Variants in TAMM41 observed in about 807,000 individuals in gnomAD.
TAMM41 encodes TAM41 mitochondrial translocator assembly and maintenance homolog, also known as phosphatidate cytidylyltransferase, mitochondrial.
A neutral mutation model predicts 44.1 loss-of-function variants in TAMM41; 36 were observed. That is an observed-to-expected ratio of 0.82 (90% CI 0.63 to 1.08). The LOEUF (loss-of-function observed/expected upper bound fraction) is 1.08, where lower values mean the gene tolerates loss of function less well. Among genes scored for constraint, TAMM41 ranks in the 50% least tolerant of loss-of-function variants. The pLI, the probability that TAMM41 is intolerant of heterozygous loss-of-function variation, is 0.00. For missense variants in TAMM41, 417 were observed against 404.3 expected (o/e 1.03, Z -0.27); for synonymous variants, 164 against 153.1 (o/e 1.07, Z -0.53).
chr3:11,799,135 G>T (rs997336863), intron 7 of TAMM41, among the ~76,000 whole-genome samples: 1 of 151,968 alleles, frequency 6.6e-6, no homozygotes, highest in Non-Finnish European at 1.5e-5. Context: ...AAAGTGGGAG[G>T]ATCACATCAT....
intron 5 of TAMM41, chr3:11,809,929 G>A (rs577885776): frequency 5.5e-6 from 2 of 361,644 alleles, no homozygotes; most frequent in African/African-American, 2.1e-5. Flanking sequence ...AAGAATAGAA[G>A]CCACTCTCAA....
intron 4 of TAMM41, among the ~76,000 whole-genome samples, chr3:11,818,466 A>G (rs1054188257): frequency 1.3e-5 from 2 of 152,226 alleles, no homozygotes; most frequent in Non-Finnish European, 2.9e-5. Context: ...CTTGTTTTAG[A>G]AAAAGTAAAA....
At chr3:11,801,278 A>G (rs1377847252) in intron 7 of TAMM41, among the ~76,000 whole-genome samples, 1 of 152,162 alleles carries the variant, frequency 6.6e-6, no homozygotes, top group Non-Finnish European at 1.5e-5. Context: ...AGTACATGGA[A>G]ATTAAACAGC....
chr3:11,800,337 C>G (rs7617056), intron 7 of TAMM41, among the ~76,000 whole-genome samples: 86,550 of 151,866 alleles, frequency 0.57, 26,691 homozygotes, highest in African/African-American at 0.79. Flanking sequence ...AATGTAAATG[C>G]ATTAAATGCT....
chr3:11,771,449 T>G, the TAMM41 span: 1 of 152,260 alleles, frequency 6.6e-6, no homozygotes, highest in East Asian at 1.9e-4. Context: ...GACTTTGGGC[T>G]CTTTTCAGAG....
the TAMM41 span, among the ~76,000 whole-genome samples, chr3:11,753,369 G>A: frequency 6.6e-6 from 1 of 152,040 alleles, no homozygotes; most frequent in Non-Finnish European, 1.5e-5. Context: ...GGGAGGCAAA[G>A]GATGCAGTGA....
chr3:11,793,083 A>AAAAAAAAAG (rs1553566249), intron 7 of TAMM41, among the ~76,000 whole-genome samples: 2 of 132,636 alleles, frequency 1.5e-5, no homozygotes, highest in African/African-American at 2.7e-5. Context: ...AAAAAAAAAA[A>AAAAAAAAAG]AGAGAGTGAA....
the TAMM41 span, among the ~76,000 whole-genome samples, chr3:11,750,523 T>G: frequency 2.0e-5 from 3 of 151,802 alleles, no homozygotes; most frequent in Non-Finnish European, 4.4e-5. Flanking sequence ...TTGCCCAGGA[T>G]GGTCTTGAAC....
At chr3:11,823,448 G>T (rs182633927) in intron 4 of TAMM41, among the ~76,000 whole-genome samples, 31 of 151,506 alleles carry the variant, frequency 2.0e-4, no homozygotes, top group African/African-American at 7.3e-4. Flanking sequence ...GTAGAGACAG[G>T]GTTTCACCAT....
At chr3:11,797,345 C>T (rs2077630164) in intron 7 of TAMM41, among the ~76,000 whole-genome samples, 1 of 152,164 alleles carries the variant, frequency 6.6e-6, no homozygotes, top group African/African-American at 2.4e-5. Flanking sequence ...TAAGGCTGCA[C>T]ACCTACAACT....
At chr3:11,794,087 C>T (rs1055324858) in intron 7 of TAMM41, among the ~76,000 whole-genome samples, 1 of 152,064 alleles carries the variant, frequency 6.6e-6, no homozygotes, top group African/African-American at 2.4e-5. Flanking sequence ...ATGGTCTCTG[C>T]CCTCACAGAG....
intron 4 of TAMM41, 55 bp from the exon 5 acceptor site, chr3:11,817,392 C>T: frequency 6.4e-7 from 1 of 1,554,376 alleles, no homozygotes; most frequent in East Asian, 2.3e-5. Flanking sequence ...CACTCTCGAC[C>T]TATGAACGAC....
chr3:11,782,534 G>A, the TAMM41 span, among the ~76,000 whole-genome samples: 6 of 147,436 alleles, frequency 4.1e-5, no homozygotes, highest in Non-Finnish European at 8.9e-5. Flanking sequence ...GTGACAGAAT[G>A]AGACCCTGTC....
chr3:11,761,199 T>C, the TAMM41 span, among the ~76,000 whole-genome samples: 1 of 151,924 alleles, frequency 6.6e-6, no homozygotes, highest in East Asian at 1.9e-4. Context: ...CAGGTTGTTG[T>C]TTTATTTTCA....
chr3:11,798,863 A>G (rs1312683855), intron 7 of TAMM41, among the ~76,000 whole-genome samples: 1 of 152,176 alleles, frequency 6.6e-6, no homozygotes, highest in Non-Finnish European at 1.5e-5. Context: ...ACTTTTAGGT[A>G]ATGATACCAA....
At chr3:11,766,978 C>A in the TAMM41 span, among the ~76,000 whole-genome samples, 1 of 152,170 alleles carries the variant, frequency 6.6e-6, no homozygotes, top group Non-Finnish European at 1.5e-5. Context: ...CAGTTCCCCC[C>A]ACTGGTAACA....
At chr3:11,817,426 G>T in intron 4 of TAMM41, 89 bp from the exon 5 acceptor site, 1 of 1,336,650 alleles carries the variant, frequency 7.5e-7, no homozygotes. Context: ...ATACCGCACG[G>T]GTTCACTCTG....
chr3:11,834,037 G>A (rs1227452441), intron 3 of TAMM41, among the ~76,000 whole-genome samples: 1 of 152,132 alleles, frequency 6.6e-6, no homozygotes, highest in African/African-American at 2.4e-5. Flanking sequence ...CAGCCCAGGA[G>A]TTCAAGACCA....
At chr3:11,768,531 T>C in the TAMM41 span, among the ~76,000 whole-genome samples, 1 of 152,230 alleles carries the variant, frequency 6.6e-6, no homozygotes, top group African/African-American at 2.4e-5. Flanking sequence ...GAAAAACATA[T>C]GTTTTATGCA....
Sources: gnomAD v4.1 joint callset for allele counts (sites outside exome capture counted in the v4.1 genomes callset) on GRCh38, gnomAD v4.1.1 for gene constraint, MANE v1.5 for transcripts, NCBI Gene and HGNC (gene_info 2026-07-23, HGNC 2026-07-21) for gene names.